The following ZC3H18 variants were observed in gnomAD, a reference collection of about 807,000 sequenced individuals.
ZC3H18 encodes zinc finger CCCH-type containing 18, also known as zinc finger CCCH domain-containing protein 18.
Under a neutral mutation model 106.1 loss-of-function variants are expected in ZC3H18, and 8 were observed. The ratio of observed to expected loss-of-function variants is 0.08; its 90% CI spans 0.04 to 0.14. ZC3H18 has a LOEUF of 0.14. Ranked by LOEUF, ZC3H18 falls within the 10% of genes least tolerant of loss-of-function variation. The pLI is 1.00. For missense variants in ZC3H18, 1,318 were observed against 1,278.4 expected, an observed-to-expected ratio of 1.03 and a Z score of -0.47; for synonymous variants, 635 against 522.1, an observed-to-expected ratio of 1.22 and a Z score of -2.95.
chr16:88,580,156 C>CTGTGTGTGTGTGTGTG (rs56406234), intron 2 of ZC3H18, among the ~76,000 whole-genome samples: 3 of 126,840 alleles, frequency 2.4e-5, no homozygotes, highest in African/African-American at 9.3e-5. Context: ...ACAGGTTCAT[C>CTGTGTGTGTGTGTGTG]TGTGTGTGTG....
At chr16:88,617,492 C>T (rs1036706995) in intron 8 of ZC3H18, among the ~76,000 whole-genome samples, 46 of 152,320 alleles carry the variant, frequency 3.0e-4, no homozygotes, top group African/African-American at 1.1e-3. Context: ...TGGGTGTGCT[C>T]ACCGCCGAGG....
At chr16:88,587,817 G>T (rs980881362) in intron 3 of ZC3H18, among the ~76,000 whole-genome samples, 1 of 152,172 alleles carries the variant, frequency 6.6e-6, no homozygotes, top group Non-Finnish European at 1.5e-5. Context: ...ACACCCTTGG[G>T]GTGTGGCGGA....
At chr16:88,603,785 G>A (rs1223028087) in intron 6 of ZC3H18, among the ~76,000 whole-genome samples, 1 of 97,376 alleles carries the variant, frequency 1.0e-5, no homozygotes, top group Non-Finnish European at 2.1e-5. Context: ...ACCATGCCCG[G>A]CTAATTTTTT....
intron 3 of ZC3H18, among the ~76,000 whole-genome samples, chr16:88,589,137 A>C (rs1054944381): frequency 1.3e-5 from 2 of 152,184 alleles, no homozygotes; most frequent in Non-Finnish European, 1.5e-5. Context: ...GATCTCTCCA[A>C]TAACAACAAG....
intron 3 of ZC3H18, 142 bp from the exon 4 acceptor site, chr16:88,598,036 C>T (rs1039205741): frequency 2.7e-5 from 19 of 709,472 alleles, no homozygotes; most frequent in African/African-American, 5.5e-5. Context: ...CCCACCTCCC[C>T]GTTCAGTTCC....
intron 6 of ZC3H18, among the ~76,000 whole-genome samples, chr16:88,603,265 C>T (rs1904844107): frequency 1.3e-5 from 2 of 151,762 alleles, no homozygotes; most frequent in African/African-American, 4.8e-5. Context: ...CGCACCTGGC[C>T]TGTTTTTTCT....
chr16:88,628,956 G>A, intron 16 of ZC3H18, 102 bp downstream of exon 16: 2 of 1,188,850 alleles, frequency 1.7e-6, no homozygotes, highest in Admixed American at 4.5e-5. Context: ...GTAGGAGGAG[G>A]GTCCAGAGAA....
chr16:88,623,279 T>C lies in ZC3H18; in HGVS notation c.1728T>C (p.Ser576=), dbSNP rs1207220908. Residue 576 remains serine, a synonymous_variant, in exon 10 of 18, where the codon TCT becomes TCC. Coordinates refer to ENST00000301011, the MANE Select transcript of ZC3H18 (RefSeq NM_144604.4). ...GSGSSRSRSR[S]SSYSSYSSRS... ...GCTCCTCCCGGTCGCGATCCCGGTCTTCATCCTACAGCTCCTACTCCAGCC... is the reference window on the plus strand; with the variant it reads ...GCTCCTCCCGGTCGCGATCCCGGTCCTCATCCTACAGCTCCTACTCCAGCC... The C allele has an allele frequency of 1.9e-6, 3 of 1,613,640 alleles. No individual in the cohort carries two copies. The highest frequency in any genetic ancestry group is 2.5e-6 in the Non-Finnish European group (3 of 1,179,982).
At chr16:88,607,055 C>T (rs868352236) in intron 6 of ZC3H18, among the ~76,000 whole-genome samples, 4 of 152,132 alleles carry the variant, frequency 2.6e-5, no homozygotes, top group African/African-American at 2.4e-5. Context: ...TTGTGGGCCC[C>T]GCCAGGAGTT....
chr16:88,631,482 T>A lies in ZC3H18; in HGVS notation c.*183T>A. 1.3e-6 allele frequency: 1 copy of A among 799,412 alleles called. No homozygotes were observed. The highest frequency in any genetic ancestry group is 2.0e-6 in the Non-Finnish European group (1 of 496,090). The allele number at this position is 799,412 out of a possible 1,614,324, so 49.5% of individuals were successfully genotyped here. On this transcript the variant is annotated 3_prime_UTR_variant, in exon 18 of 18. Transcript: ENST00000301011. ...CAACGACGCTGAATCCCAGCCTCCC[T>A]CCCCAGAGCAGAAGTCCCGCAGGAC...
At position 88,577,344 on chromosome 16, in the gene ZC3H18, G is replaced by A; in HGVS notation, c.221G>A (p.Ser74Asn). Residue 74 changes from serine to asparagine, a missense_variant, in exon 2 of 18, where the codon AGT becomes AAT. Ser to Asn is a conservative substitution (Grantham distance 46, BLOSUM62 1). Coordinates refer to ENST00000301011, the MANE Select transcript of ZC3H18 (RefSeq NM_144604.4). ...DNHSDEEDRA[S>N]EPKSQDQDSE... ...CACTCCGACGAGGAGGACCGGGCAA[G>A]TGAGCCTAAATCCCAAGACCAGGAC... is the stretch of plus-strand genomic sequence containing the variant. 2 of 1,604,706 alleles carry A rather than the reference G, an allele frequency of 1.2e-6. No homozygotes were observed. The highest frequency in any genetic ancestry group is 1.7e-6 in the Non-Finnish European group (2 of 1,174,486).
In ZC3H18 at chr16:88,581,924, T is replaced by C. The variant is rs530375705; in HGVS notation, c.603+4198T>C. 2.0e-5 allele frequency among the ~76,000 whole-genome samples: 3 copies of C among 152,338 alleles called. No homozygotes were observed. In the East Asian group the frequency reaches 5.8e-4, roughly 29 times the overall value. Reference sequence around the variant, plus strand: ...GCCCGCTCTTTTGCTCACTCCATGTTCCGTGTTTATATCTGACTTGACATT... The same window carrying C: ...GCCCGCTCTTTTGCTCACTCCATGTCCCGTGTTTATATCTGACTTGACATT... On this transcript the variant is annotated intron_variant, in intron 2 of 17. Transcript: ENST00000301011.
At chr16:88,603,930 GC>G (rs1222884199) in intron 6 of ZC3H18, among the ~76,000 whole-genome samples, 2 of 151,738 alleles carry the variant, frequency 1.3e-5, no homozygotes, top group African/African-American at 2.4e-5. Context: ...ACCGTGCCCA[GC>G]CCCATTTCTT....
At chr16:88,615,645 A>G (rs926433064) in intron 8 of ZC3H18, among the ~76,000 whole-genome samples, 2 of 152,178 alleles carry the variant, frequency 1.3e-5, no homozygotes, top group Non-Finnish European at 2.9e-5. Flanking sequence ...CACCCAGATC[A>G]TTGGTTTTAG....
At chr16:88,626,019 C>T (rs1906288839) in intron 13 of ZC3H18, 1 of 152,134 alleles carries the variant, frequency 6.6e-6, no homozygotes, top group Admixed American at 6.6e-5. Flanking sequence ...GATGGGGTTT[C>T]ACCATGTTGC....
intron 6 of ZC3H18, among the ~76,000 whole-genome samples, chr16:88,601,891 A>C (rs1904767548): frequency 6.6e-6 from 1 of 151,968 alleles, no homozygotes; most frequent in Non-Finnish European, 1.5e-5. Context: ...TGTTTCTGAT[A>C]GACACAGTGG....
chr16:88,575,598 G>A (rs1018176931), intron 1 of ZC3H18, among the ~76,000 whole-genome samples: 1 of 152,094 alleles, frequency 6.6e-6, no homozygotes, highest in Admixed American at 6.5e-5. Context: ...TAAAGCATGG[G>A]TAGCAGTGTA....
intron 5 of ZC3H18, 100 bp downstream of exon 5, chr16:88,598,812 A>G: frequency 1.9e-6 from 2 of 1,073,668 alleles, no homozygotes; most frequent in East Asian, 2.7e-5. Context: ...AGCCCCAGAA[A>G]TCTCTGAAGT....
chr16:88,618,586 G>A (rs1460072815), intron 8 of ZC3H18, among the ~76,000 whole-genome samples: 1 of 152,206 alleles, frequency 6.6e-6, no homozygotes, highest in African/African-American at 2.4e-5. Context: ...TGCTGGCATC[G>A]GTGAGGCATG....
Sources: allele counts gnomAD v4.1 joint callset (sites outside exome capture counted in the v4.1 genomes callset), GRCh38; gene constraint gnomAD v4.1.1; transcripts MANE v1.5; gene names NCBI Gene and HGNC (gene_info 2026-07-23, HGNC 2026-07-21).